The following GRIA1 variants were observed in gnomAD, a reference collection of about 807,000 sequenced individuals.
The protein encoded by GRIA1 is glutamate receptor 1.
GRIA1 carries 31 observed loss-of-function variants against 99.2 expected under a neutral mutation model. That is an observed-to-expected ratio of 0.31 (90% confidence interval 0.23 to 0.42). The LOEUF (loss-of-function observed/expected upper bound fraction) is 0.42, where lower values mean the gene tolerates loss of function less well. Among genes scored for constraint, GRIA1 ranks in the 10% least tolerant of loss-of-function variants. The probability of loss-of-function intolerance (pLI) is 1.00; values close to 1 mark genes in which losing one functional copy is unlikely to be tolerated. For synonymous variants in GRIA1, 438 were observed against 432.4 expected, an observed-to-expected ratio of 1.01 and a Z score of -0.16; for missense variants, 782 against 1,157.5, an observed-to-expected ratio of 0.68 and a Z score of 4.71.
At chr5:153,700,995 G>T (rs1044562836) in intron 10 of GRIA1, among the ~76,000 whole-genome samples, 2 of 152,216 alleles carry the variant, frequency 1.3e-5, no homozygotes, top group African/African-American at 4.8e-5. Flanking sequence ...AAAAGGTAGA[G>T]ACCTGGATAG....
At chr5:153,715,992 T>C (rs1235070626) in intron 11 of GRIA1, among the ~76,000 whole-genome samples, 2 of 152,164 alleles carry the variant, frequency 1.3e-5, no homozygotes, top group African/African-American at 2.4e-5. Flanking sequence ...GTGGGAAGAA[T>C]TGGAGATAAA....
intron 2 of GRIA1, among the ~76,000 whole-genome samples, chr5:153,604,799 A>C (rs886544542): frequency 1.3e-5 from 2 of 152,232 alleles, no homozygotes; most frequent in African/African-American, 4.8e-5. Context: ...AGAAACTGAT[A>C]AATTGAACTG....
At chr5:153,655,696 T>C (rs1372713743) in intron 4 of GRIA1, 123 bp from the exon 5 acceptor site, 1 of 739,810 alleles carries the variant, frequency 1.4e-6, no homozygotes, top group Non-Finnish European at 2.4e-6. Context: ...TGGGATATTG[T>C]AGTTCTAGTA....
At chr5:153,702,919 G>A (rs1466384391) in intron 10 of GRIA1, among the ~76,000 whole-genome samples, 2 of 152,184 alleles carry the variant, frequency 1.3e-5, no homozygotes, top group South Asian at 2.1e-4. Flanking sequence ...TTAAAATGAG[G>A]AAATTGACAT....
intron 11 of GRIA1, among the ~76,000 whole-genome samples, chr5:153,717,545 A>G (rs1759754539): frequency 6.6e-6 from 1 of 151,984 alleles, no homozygotes; most frequent in Admixed American, 6.5e-5. Context: ...GCAAGGGCTC[A>G]GAGTTCACCA....
At chr5:153,652,920 C>T (rs369044769) in intron 4 of GRIA1, among the ~76,000 whole-genome samples, 1 of 152,122 alleles carries the variant, frequency 6.6e-6, no homozygotes. Context: ...TAACTGGGAA[C>T]GTACCTGGGA....
At chr5:153,694,613 C>T (rs751224408) in intron 8 of GRIA1, among the ~76,000 whole-genome samples, 12 of 152,344 alleles carry the variant, frequency 7.9e-5, no homozygotes, top group Middle Eastern at 3.4e-3. Flanking sequence ...TACATCCACT[C>T]TACAGATCAG....
At chr5:153,529,426 C>G (rs493844) in intron 2 of GRIA1, among the ~76,000 whole-genome samples, 53,738 of 152,032 alleles carry the variant, frequency 0.35, 9,895 homozygotes, top group African/African-American at 0.46. Flanking sequence ...TGAGGCACCT[C>G]TCAATTCCTA....
intron 5 of GRIA1, among the ~76,000 whole-genome samples, chr5:153,656,271 C>T (rs1754941888): frequency 6.6e-6 from 1 of 151,860 alleles, no homozygotes; most frequent in East Asian, 1.9e-4. Context: ...ACATTTACAT[C>T]ATAATTACAC....
chr5:153,706,308 A>G (rs773884898), intron 11 of GRIA1: 23 of 532,848 alleles, frequency 4.3e-5, no homozygotes, highest in South Asian at 2.5e-4. Flanking sequence ...GTTAATAGGC[A>G]TAATTATGAC....
intron 13 of GRIA1, among the ~76,000 whole-genome samples, chr5:153,787,977 G>A (rs1765074263): frequency 6.6e-6 from 1 of 152,142 alleles, no homozygotes; most frequent in Non-Finnish European, 1.5e-5. Context: ...CTACTCGGGA[G>A]GCTGAGGCAG....
At chr5:153,675,142 A>G (rs1250328463) in intron 6 of GRIA1, among the ~76,000 whole-genome samples, 4 of 152,212 alleles carry the variant, frequency 2.6e-5, no homozygotes, top group African/African-American at 4.8e-5. Flanking sequence ...TATTGATCGT[A>G]TCTTGGAAAA....
intron 15 of GRIA1, among the ~76,000 whole-genome samples, chr5:153,803,675 T>C (rs1369061942): frequency 6.6e-6 from 1 of 152,190 alleles, no homozygotes; most frequent in African/African-American, 2.4e-5. Context: ...TGCTGACCTA[T>C]ACTGTTACCT....
intron 11 of GRIA1, among the ~76,000 whole-genome samples, chr5:153,733,618 T>A (rs1224510232): frequency 6.6e-6 from 1 of 152,178 alleles, no homozygotes; most frequent in Non-Finnish European, 1.5e-5. Flanking sequence ...ATAAGAGACT[T>A]GCTTCAGCTT....
chr5:153,687,938 G>A lies in GRIA1; in HGVS notation c.1134+1609G>A, dbSNP rs182745886. 8.0e-4 allele frequency among the ~76,000 whole-genome samples: 122 copies of A among 152,312 alleles called. 1 individual carries two copies. Among genetic ancestry groups the A allele is most frequent in the Non-Finnish European group, 1.9e-4 (13 of 68,030 alleles). ...CAGAAGTCTGACTTGAGTTTCACTG[G>A]ACTAAAATCAAAGTGTTGGCAAGGT... is the stretch of plus-strand genomic sequence containing the variant. On this transcript the variant is annotated intron_variant, in intron 8 of 15. Transcript: ENST00000285900.
intron 2 of GRIA1, among the ~76,000 whole-genome samples, chr5:153,505,558 G>A (rs1309484188): frequency 6.6e-6 from 1 of 152,220 alleles, no homozygotes; most frequent in African/African-American, 2.4e-5. Flanking sequence ...GTTTGAAGCA[G>A]AGCTATCCCA....
chr5:153,797,089 G>A (rs931367719), intron 14 of GRIA1, among the ~76,000 whole-genome samples: 37 of 152,300 alleles, frequency 2.4e-4, no homozygotes, highest in African/African-American at 6.5e-4. Context: ...TCAGAGGGAC[G>A]TGAGTGGAGA....
chr5:153,761,333 C>T (rs1251310762), intron 11 of GRIA1, among the ~76,000 whole-genome samples: 1 of 151,904 alleles, frequency 6.6e-6, no homozygotes, highest in East Asian at 1.9e-4. Flanking sequence ...AATGCAAATA[C>T]GTCGATTAAA....
intron 11 of GRIA1, among the ~76,000 whole-genome samples, chr5:153,735,584 ACTT>A (rs1410898921): frequency 1.3e-5 from 2 of 152,076 alleles, no homozygotes; most frequent in East Asian, 1.9e-4. Flanking sequence ...TTTAGTTTTT[ACTT>A]CTTCTTTCTT....
Sources: gnomAD v4.1 joint callset for allele counts (sites outside exome capture counted in the v4.1 genomes callset) on GRCh38, gnomAD v4.1.1 for gene constraint, MANE v1.5 for transcripts, NCBI Gene and HGNC (gene_info 2026-07-23, HGNC 2026-07-21) for gene names.